ME3: variants seen among roughly 807,000 people sequenced by gnomAD.
ME3 encodes the protein NADP-dependent malic enzyme, mitochondrial.
In ME3, 48 loss-of-function variants were observed where a neutral mutation model predicts 68.9. That is an observed-to-expected ratio of 0.70 (90% CI 0.55 to 0.89). The LOEUF (loss-of-function observed/expected upper bound fraction) is 0.89. Ranked by LOEUF, ME3 falls within the 40% of genes least tolerant of loss-of-function variation. The pLI, the probability that ME3 is intolerant of heterozygous loss-of-function variation, is 0.00. For synonymous variants in ME3, 320 were observed against 318.8 expected, an observed-to-expected ratio of 1.00 and a Z score of -0.04; for missense variants, 675 against 797.4, an observed-to-expected ratio of 0.85 and a Z score of 1.85.
chr11:86,463,968 G>T (rs75330512), intron 8 of ME3: 2 of 249,754 alleles, frequency 8.0e-6, no homozygotes, highest in Non-Finnish European at 1.6e-5. Context: ...TGTCTCATCG[G>T]TTTAAAACTG....
chr11:86,649,567 A>G (rs979545629), intron 2 of ME3, among the ~76,000 whole-genome samples: 1 of 152,214 alleles, frequency 6.6e-6, no homozygotes, highest in East Asian at 1.9e-4. Flanking sequence ...AGAAAACACC[A>G]TCGTCTCAAC....
intron 8 of ME3, chr11:86,457,721 A>G (rs1950017692): frequency 3.9e-6 from 5 of 1,287,988 alleles, no homozygotes; most frequent in Non-Finnish European, 5.1e-6. Flanking sequence ...ACTTGTGCCC[A>G]TAAATGCCAT....
At chr11:86,448,676 A>G (rs554806834) in intron 10 of ME3, among the ~76,000 whole-genome samples, 1 of 152,310 alleles carries the variant, frequency 6.6e-6, no homozygotes, top group Non-Finnish European at 1.5e-5. Flanking sequence ...GAATATGCTT[A>G]TAAGAGCCAT....
chr11:86,497,031 G>A (rs1253865434), intron 6 of ME3, among the ~76,000 whole-genome samples: 1 of 152,118 alleles, frequency 6.6e-6, no homozygotes. Context: ...ACCCAGGCTG[G>A]AGTGCAGTGG....
At chr11:86,476,339 C>T (rs998234315) in intron 7 of ME3, among the ~76,000 whole-genome samples, 1 of 152,138 alleles carries the variant, frequency 6.6e-6, no homozygotes, top group Non-Finnish European at 1.5e-5. Flanking sequence ...ATTTAAGGAG[C>T]GGCAGGAACA....
chr11:86,600,218 C>A (rs1335927244), intron 2 of ME3, among the ~76,000 whole-genome samples: 4 of 151,970 alleles, frequency 2.6e-5, no homozygotes, highest in Admixed American at 2.0e-4. Flanking sequence ...ATCTCACGTG[C>A]AGAGACACAC....
Position 86,527,319 on chromosome 11 carries a change from A to G in ME3, c.468-18452T>C, listed in dbSNP as rs546894665. Among the ~76,000 whole-genome samples the G allele has an allele frequency of 1.1e-3, 161 of 152,346 alleles. 3 individuals are homozygous for G. Among genetic ancestry groups the G allele is most frequent in the South Asian group, 0.011 (51 of 4,828 alleles). Reference sequence around the variant, plus strand: ...GTGAGAAGAGAAGTTTAGAGAAAAAAGAATAAAAAGAAACGAACAAAGCCT... The same window carrying G: ...GTGAGAAGAGAAGTTTAGAGAAAAAGGAATAAAAAGAAACGAACAAAGCCT... On this transcript the variant is annotated intron_variant, in intron 4 of 14. Transcript: ENST00000543262.
chr11:86,505,552 G>T (rs1953013465), intron 5 of ME3, among the ~76,000 whole-genome samples: 1 of 116,390 alleles, frequency 8.6e-6, no homozygotes, highest in South Asian at 3.2e-4. Flanking sequence ...CTCATTTGTG[G>T]CCTGTGATTC....
At chr11:86,594,780 A>T (rs1401039754) in intron 2 of ME3, among the ~76,000 whole-genome samples, 5 of 147,086 alleles carry the variant, frequency 3.4e-5, no homozygotes, top group African/African-American at 1.2e-4. Context: ...GTGAGAAAAT[A>T]ATCCCAGTCC....
At chr11:86,573,497 C>CAAAGGG (rs1565157989) in intron 2 of ME3, among the ~76,000 whole-genome samples, 19 of 149,950 alleles carry the variant, frequency 1.3e-4, no homozygotes, top group African/African-American at 4.4e-4. Flanking sequence ...TGAGACTTTG[C>CAAAGGG]TGAAGTTGCT....
intron 6 of ME3, among the ~76,000 whole-genome samples, chr11:86,494,052 G>GGA (rs1952162455): frequency 6.7e-6 from 1 of 148,854 alleles, no homozygotes. Flanking sequence ...CGGTTTCATT[G>GGA]AAAAAAAAAA....
intron 2 of ME3, among the ~76,000 whole-genome samples, chr11:86,631,356 C>T (rs549497524): frequency 2.0e-5 from 3 of 152,254 alleles, no homozygotes; most frequent in South Asian, 2.1e-4. Flanking sequence ...AGAAAAGTTA[C>T]AGATCTAAGT....
intron 7 of ME3, among the ~76,000 whole-genome samples, chr11:86,480,632 C>A (rs1418673827): frequency 6.6e-6 from 1 of 152,196 alleles, no homozygotes. Flanking sequence ...TGGAGAAGGG[C>A]AGGCCTGATT....
intron 2 of ME3, among the ~76,000 whole-genome samples, chr11:86,641,459 C>T (rs1227317586): frequency 2.6e-5 from 4 of 152,200 alleles, no homozygotes; most frequent in Non-Finnish European, 5.9e-5. Flanking sequence ...CGTCAGCTAA[C>T]TGGATGCAAA....
At chr11:86,489,802 TCCTCCCACTC>T (rs1012295773) in intron 6 of ME3, among the ~76,000 whole-genome samples, 45 of 152,128 alleles carry the variant, frequency 3.0e-4, no homozygotes, top group African/African-American at 1.1e-3. Flanking sequence ...CACCCCCAAC[TCCTCCCACTC>T]CCTCCCCCTT....
chr11:86,532,791 G>A (rs1054746866), intron 4 of ME3, among the ~76,000 whole-genome samples: 1 of 152,240 alleles, frequency 6.6e-6, no homozygotes, highest in Non-Finnish European at 1.5e-5. Flanking sequence ...CTGGCGTGGT[G>A]GCTTACGCCT....
At chr11:86,450,779 A>G (rs1300071217) in intron 8 of ME3, among the ~76,000 whole-genome samples, 2 of 152,282 alleles carry the variant, frequency 1.3e-5, no homozygotes, top group East Asian at 3.9e-4. Context: ...TGAGAACACA[A>G]CCTGACCATG....
chr11:86,588,708 A>G (rs1189766703), intron 2 of ME3, among the ~76,000 whole-genome samples: 2 of 152,198 alleles, frequency 1.3e-5, no homozygotes, highest in African/African-American at 2.4e-5. Flanking sequence ...CTGTCCATCC[A>G]CTGAAGTATG....
intron 2 of ME3, among the ~76,000 whole-genome samples, chr11:86,622,501 T>C (rs1479702486): frequency 6.6e-6 from 1 of 151,936 alleles, no homozygotes; most frequent in Non-Finnish European, 1.5e-5. Context: ...ACTGATTCAG[T>C]CAAAGGTGAG....
Sources: gnomAD v4.1 joint callset for allele counts (sites outside exome capture counted in the v4.1 genomes callset) on GRCh38, gnomAD v4.1.1 for gene constraint, MANE v1.5 for transcripts, NCBI Gene and HGNC (gene_info 2026-07-23, HGNC 2026-07-21) for gene names.